SPON1: variants seen among roughly 807,000 people sequenced by gnomAD.
SPON1 encodes the protein spondin-1.
A neutral mutation model predicts 111.7 loss-of-function variants in SPON1; 52 were observed. The ratio of observed to expected loss-of-function variants is 0.47; its 90% CI spans 0.37 to 0.59. The LOEUF is 0.59. SPON1 is among the 20% of genes least tolerant of loss of function. The pLI is 0.00. For missense variants in SPON1, 957 were observed against 1,068.5 expected (o/e 0.90, Z 1.46); for synonymous variants, 410 against 395.8 (o/e 1.04, Z -0.43).
At position 14,041,571 on chromosome 11, in the gene SPON1, C is replaced by A. The variant is rs782661509; in HGVS notation, c.396C>A (p.Val132=). The change falls in exon 3 of 16, where the codon GTC becomes GTA. Residue 132 remains valine (V), a synonymous_variant. Transcript: ENST00000576479. ...TTATGAGCAATTGCCCTGTTGCAGT[C>A]ACTGAAAGCACTCCACGGAGGAGGA... ...TQFMSNCPVA[V]TESTPRRRTR... is the part of the protein sequence containing the mutation. The A allele has an allele frequency of 6.2e-7, 1 of 1,613,824 alleles. No homozygotes were observed. The highest frequency in any genetic ancestry group is 8.5e-7 in the Non-Finnish European group (1 of 1,179,868).
At chr11:14,261,206 G>A (rs1049138083) in intron 14 of SPON1, among the ~76,000 whole-genome samples, 1 of 152,126 alleles carries the variant, frequency 6.6e-6, no homozygotes, top group Non-Finnish European at 1.5e-5. Flanking sequence ...AACAAGCCAA[G>A]TTCTCAAAAA....
At chr11:14,170,394 G>C (rs192645956) in intron 6 of SPON1, among the ~76,000 whole-genome samples, 99 of 152,220 alleles carry the variant, frequency 6.5e-4, no homozygotes, top group Non-Finnish European at 1.2e-3. Context: ...GGAGATTTTG[G>C]GCTGAGAAGG....
intron 6 of SPON1, among the ~76,000 whole-genome samples, chr11:14,232,212 C>G (rs538461002): frequency 1.3e-5 from 2 of 152,124 alleles, no homozygotes; most frequent in Admixed American, 6.5e-5. Context: ...GGCCCTCCCC[C>G]TCACCCTTCC....
intron 6 of SPON1, among the ~76,000 whole-genome samples, chr11:14,236,567 C>G (rs868965014): frequency 6.6e-6 from 1 of 152,150 alleles, no homozygotes. Flanking sequence ...TCAGCATATA[C>G]ACAGTTGGCT....
At chr11:14,230,837 A>T (rs1383537756) in intron 6 of SPON1, among the ~76,000 whole-genome samples, 1 of 151,436 alleles carries the variant, frequency 6.6e-6, no homozygotes, top group Admixed American at 6.6e-5. Context: ...CACCCAGACT[A>T]GGGTGCAGTG....
intron 15 of SPON1, among the ~76,000 whole-genome samples, chr11:14,265,152 G>C (rs1454477468): frequency 1.3e-5 from 2 of 152,116 alleles, no homozygotes; most frequent in Non-Finnish European, 2.9e-5. Context: ...GATGGCTGGG[G>C]CTTCTCTGCA....
chr11:14,015,440 T>C (rs1320548412), intron 2 of SPON1, among the ~76,000 whole-genome samples: 1 of 152,208 alleles, frequency 6.6e-6, no homozygotes, highest in Non-Finnish European at 1.5e-5. Context: ...TCTGCCCTCA[T>C]GACTTAATCA....
intron 5 of SPON1, among the ~76,000 whole-genome samples, chr11:14,099,542 T>C (rs1463947832): frequency 6.6e-6 from 1 of 152,242 alleles, no homozygotes; most frequent in Non-Finnish European, 1.5e-5. Context: ...CTCATTTTCA[T>C]TGTTTTCTTA....
chr11:14,148,563 G>T (rs10741639), intron 6 of SPON1, among the ~76,000 whole-genome samples: 59,744 of 152,026 alleles, frequency 0.39, 11,994 homozygotes, highest in East Asian at 0.55. Context: ...TGGGGTCTTG[G>T]TAGATCGTTC....
chr11:14,124,255 C>G (rs1252338003), intron 5 of SPON1, among the ~76,000 whole-genome samples: 6 of 152,092 alleles, frequency 3.9e-5, no homozygotes, highest in Non-Finnish European at 7.4e-5. Flanking sequence ...CTAGCTTTTT[C>G]TTATGCCTCT....
chr11:14,237,037 C>A (rs1252778313), intron 6 of SPON1, among the ~76,000 whole-genome samples: 2 of 152,170 alleles, frequency 1.3e-5, no homozygotes, highest in Non-Finnish European at 2.9e-5. Context: ...TATTTATGAC[C>A]TGAGAAGCCC....
chr11:14,262,473 G>C (rs1554941992), intron 14 of SPON1: 2 of 576,162 alleles, frequency 3.5e-6, no homozygotes, highest in Non-Finnish European at 6.2e-6. Flanking sequence ...GCCTTCTTGA[G>C]TCATAGAGGG....
intron 6 of SPON1, among the ~76,000 whole-genome samples, chr11:14,137,322 A>C (rs2133861769): frequency 6.6e-6 from 1 of 152,284 alleles, no homozygotes; most frequent in Non-Finnish European, 1.5e-5. Flanking sequence ...CCTAATCAGC[A>C]TGGCTGTGAT....
Position 14,202,508 on chromosome 11 carries a change from C to T in SPON1, c.826-40824C>T, listed in dbSNP as rs77192212. ...AAGGGAGGAGGACAATACCCTCTAA[C>T]GGCCCCAGAGTCTGTGCCTTCTGGC... On this transcript the variant is annotated intron_variant, in intron 6 of 15. Coordinates refer to ENST00000576479, the MANE Select transcript of SPON1 (RefSeq NM_006108.4). Among the ~76,000 whole-genome samples, 1,265 of 152,294 alleles carry T rather than the reference C, an allele frequency of 8.3e-3. 17 individuals are homozygous for T. Among genetic ancestry groups the T allele is most frequent in the African/African-American group, 0.029 (1,217 of 41,558 alleles).
chr11:14,141,604 C>T (rs1020161672), intron 6 of SPON1, among the ~76,000 whole-genome samples: 5 of 152,094 alleles, frequency 3.3e-5, no homozygotes, highest in African/African-American at 7.2e-5. Context: ...ATTATCACAC[C>T]GCCTGTGGCA....
chr11:14,207,511 A>G (rs782389772), intron 6 of SPON1, among the ~76,000 whole-genome samples: 8 of 152,218 alleles, frequency 5.3e-5, no homozygotes, highest in Non-Finnish European at 8.8e-5. Flanking sequence ...AAACAAATTT[A>G]CAAGAAAAAA....
chr11:14,223,761 T>A (rs1035747955), intron 6 of SPON1, among the ~76,000 whole-genome samples: 2 of 152,218 alleles, frequency 1.3e-5, no homozygotes, highest in Non-Finnish European at 2.9e-5. Flanking sequence ...TACCTTCTGT[T>A]CTTTGCCTCT....
chr11:13,993,970 TTGTC>T (rs1177563958), intron 2 of SPON1, among the ~76,000 whole-genome samples: 2 of 152,200 alleles, frequency 1.3e-5, no homozygotes, highest in Non-Finnish European at 2.9e-5. Context: ...AAAAGGATAT[TTGTC>T]TGAGAAGAGC....
intron 3 of SPON1, among the ~76,000 whole-genome samples, chr11:14,047,401 T>A (rs1591360954): frequency 6.6e-6 from 1 of 152,152 alleles, no homozygotes; most frequent in Non-Finnish European, 1.5e-5. Flanking sequence ...CAGTATTCCA[T>A]GTGTAAGAGT....
Sources: allele counts gnomAD v4.1 joint callset (sites outside exome capture counted in the v4.1 genomes callset), GRCh38; gene constraint gnomAD v4.1.1; transcripts MANE v1.5; gene names NCBI Gene and HGNC (gene_info 2026-07-23, HGNC 2026-07-21).